ZNF423: variants seen among roughly 807,000 people sequenced by gnomAD.
ZNF423 encodes zinc finger protein 423.
A neutral mutation model predicts 95.8 loss-of-function variants in ZNF423; 12 were observed. The ratio of observed to expected loss-of-function variants is 0.13; its 90% CI spans 0.08 to 0.20. The LOEUF (loss-of-function observed/expected upper bound fraction) is 0.20, where lower values mean the gene tolerates loss of function less well. ZNF423 is among the 10% of genes least tolerant of loss of function. ZNF423 has a pLI of 1.00. For missense variants in ZNF423, 1,316 were observed against 1,737.1 expected (o/e 0.76, Z 4.31); for synonymous variants, 749 against 711.9 (o/e 1.05, Z -0.83).
intron 4 of ZNF423, 44 bp from the exon 5 acceptor site, chr16:49,626,298 AG>A: frequency 6.3e-7 from 1 of 1,599,402 alleles, no homozygotes; most frequent in Non-Finnish European, 8.6e-7. Context: ...GGCAGGAGGT[AG>A]GAAAAAGGAG....
intron 5 of ZNF423, among the ~76,000 whole-genome samples, chr16:49,604,524 C>T (rs1971473589): frequency 6.6e-6 from 1 of 152,114 alleles, no homozygotes; most frequent in South Asian, 2.1e-4. Flanking sequence ...TAGTCTCCAT[C>T]AATATTAAAT....
chr16:49,730,635 A>G (rs558483888), intron 3 of ZNF423, 136 bp downstream of exon 3: 27 of 942,094 alleles, frequency 2.9e-5, no homozygotes, highest in Middle Eastern at 3.3e-4. Context: ...CAGGGTACCC[A>G]AGACACCACA....
chr16:49,718,735 C>T (rs1049457007), intron 3 of ZNF423, among the ~76,000 whole-genome samples: 20 of 152,278 alleles, frequency 1.3e-4, no homozygotes, highest in Non-Finnish European at 2.4e-4. Context: ...AGTCTTGCTG[C>T]GTCCTCACAT....
At chr16:49,846,824 A>C (rs1257598402) in intron 1 of ZNF423, among the ~76,000 whole-genome samples, 1 of 152,098 alleles carries the variant, frequency 6.6e-6, no homozygotes, top group Non-Finnish European at 1.5e-5. Context: ...CAGGAACCAA[A>C]AATATACTCT....
Position 49,572,059 on chromosome 16 carries a change from C to T in ZNF423, c.3602-46565G>A, listed in dbSNP as rs148832951. Among the ~76,000 whole-genome samples, 340 of 152,270 alleles carry T rather than the reference C, an allele frequency of 2.2e-3. 1 individual carries two copies. Among genetic ancestry groups the T allele is most frequent in the African/African-American group, 7.9e-3 (329 of 41,552 alleles). ...GCCTTTTAACCCAACAGTCAGACCC[C>T]AGTAGCCCTTTCTACACCATCTTAG... On this transcript the variant is annotated intron_variant, in intron 5 of 7. Transcript: ENST00000563137.
intron 5 of ZNF423, among the ~76,000 whole-genome samples, chr16:49,537,832 C>T (rs1362181095): frequency 6.6e-6 from 1 of 152,230 alleles, no homozygotes; most frequent in African/African-American, 2.4e-5. Context: ...ATGCCCCAAG[C>T]TCACATTAGC....
At chr16:49,551,570 C>T (rs557318964) in intron 5 of ZNF423, among the ~76,000 whole-genome samples, 3 of 152,330 alleles carry the variant, frequency 2.0e-5, no homozygotes, top group East Asian at 1.9e-4. Flanking sequence ...GTCTCCTTGG[C>T]AGCATGGGGG....
intron 3 of ZNF423, among the ~76,000 whole-genome samples, chr16:49,646,574 C>CTTTTTCTTTTTCTTTTTT (rs1973179013): frequency 3.4e-5 from 4 of 118,008 alleles, no homozygotes; most frequent in African/African-American, 1.2e-4. Context: ...TTTTCTTTTT[C>CTTTTTCTTTTTCTTTTTT]TTTTTTTTTT....
intron 7 of ZNF423, among the ~76,000 whole-genome samples, chr16:49,516,862 G>C (rs1053679052): frequency 4.6e-5 from 7 of 152,208 alleles, no homozygotes; most frequent in African/African-American, 1.7e-4. Context: ...CCTGTTGCCT[G>C]AGGGCTGGCT....
chr16:49,632,756 G>C (rs1972549422), intron 4 of ZNF423, among the ~76,000 whole-genome samples: 1 of 152,188 alleles, frequency 6.6e-6, no homozygotes, highest in Admixed American at 6.5e-5. Context: ...GTGCCCAGCA[G>C]AGCACCACTC....
At chr16:49,831,005 C>A (rs1297038184) in intron 1 of ZNF423, among the ~76,000 whole-genome samples, 1 of 152,138 alleles carries the variant, frequency 6.6e-6, no homozygotes, top group African/African-American at 2.4e-5. Context: ...CCAGAAGACC[C>A]TGCAGGTTTC....
chr16:49,729,024 C>T (rs2033097415), intron 3 of ZNF423, among the ~76,000 whole-genome samples: 2 of 152,270 alleles, frequency 1.3e-5, no homozygotes, highest in South Asian at 4.1e-4. Flanking sequence ...AGCCATCGTG[C>T]CCAGCCCGAA....
At chr16:49,781,575 G>A (rs1201485830) in intron 2 of ZNF423, among the ~76,000 whole-genome samples, 1 of 152,190 alleles carries the variant, frequency 6.6e-6, no homozygotes, top group Non-Finnish European at 1.5e-5. Flanking sequence ...TAATAACTAT[G>A]CACTCCAGCA....
intron 1 of ZNF423, among the ~76,000 whole-genome samples, chr16:49,846,199 G>A (rs1159708506): frequency 6.6e-6 from 1 of 151,688 alleles, no homozygotes; most frequent in Non-Finnish European, 1.5e-5. Flanking sequence ...CTACTCGGGA[G>A]GCTGAGGCAG....
intron 3 of ZNF423, among the ~76,000 whole-genome samples, chr16:49,669,041 C>A (rs1468152006): frequency 2.6e-5 from 4 of 152,116 alleles, no homozygotes; most frequent in Non-Finnish European, 5.9e-5. Context: ...GGTCTTAAAT[C>A]CATCTCAACC....
chr16:49,606,048 C>G (rs987575196), intron 5 of ZNF423, among the ~76,000 whole-genome samples: 1 of 152,160 alleles, frequency 6.6e-6, no homozygotes, highest in Non-Finnish European at 1.5e-5. Flanking sequence ...CTGTCACAGC[C>G]GCGTGCACCT....
intron 5 of ZNF423, among the ~76,000 whole-genome samples, chr16:49,534,368 C>T (rs1968980422): frequency 6.6e-6 from 1 of 152,118 alleles, no homozygotes; most frequent in Non-Finnish European, 1.5e-5. Context: ...ATTCCCCTGC[C>T]TTAGCCGCCC....
chr16:49,575,601 G>A (rs1426724141), intron 5 of ZNF423, among the ~76,000 whole-genome samples: 4 of 152,180 alleles, frequency 2.6e-5, no homozygotes, highest in Non-Finnish European at 5.9e-5. Flanking sequence ...ACCAGGACAG[G>A]CCACATCCCC....
At chr16:49,499,473 G>A (rs9935871) in intron 7 of ZNF423, among the ~76,000 whole-genome samples, 18,492 of 152,206 alleles carry the variant, frequency 0.12, 1,420 homozygotes, top group African/African-American at 0.22. Flanking sequence ...CTTCCTTGCC[G>A]AACCAGTAGC....
Sources: gnomAD v4.1 joint callset for allele counts (sites outside exome capture counted in the v4.1 genomes callset) on GRCh38, gnomAD v4.1.1 for gene constraint, MANE v1.5 for transcripts, NCBI Gene and HGNC (gene_info 2026-07-23, HGNC 2026-07-21) for gene names.